Variants in MYO5C observed in about 807,000 individuals in gnomAD.
MYO5C encodes the protein unconventional myosin-Vc.
Under a neutral mutation model 235.7 loss-of-function variants are expected in MYO5C, and 194 were observed. That is an observed-to-expected ratio of 0.82 (90% CI 0.73 to 0.93). MYO5C has a LOEUF of 0.93. Among genes scored for constraint, MYO5C ranks in the 40% least tolerant of loss-of-function variants. The pLI, the probability that MYO5C is intolerant of heterozygous loss-of-function variation, is 0.00. For missense variants in MYO5C, 2,038 were observed against 2,127.2 expected (o/e 0.96, Z 0.82); for synonymous variants, 707 against 754.8 (o/e 0.94, Z 1.04).
intron 19 of MYO5C, 137 bp downstream of exon 19, chr15:52,244,219 C>A: frequency 2.6e-6 from 2 of 764,518 alleles, no homozygotes; most frequent in Admixed American, 2.8e-5. Context: ...ATGCTCACGA[C>A]CACAAAGGGG....
In MYO5C at chr15:52,247,544, GAGA is replaced by G; in HGVS notation, c.1792_1794del (p.Ser598del). On this transcript the variant is annotated inframe_deletion, in exon 15 of 41. Transcript: ENST00000261839. Reference sequence around the variant, plus strand: ...TTAACTGTAATCATTGAACCAAAAGGAGAAGGAGGAGTTGGATTTTCTTGAAAA... The same window carrying G: ...TTAACTGTAATCATTGAACCAAAAGGAGGAGGAGTTGGATTTTCTTGAAAA... 2 of 1,614,208 alleles carry G rather than the reference GAGA, an allele frequency of 1.2e-6. No homozygotes were observed. The highest frequency in any genetic ancestry group is 1.7e-6 in the Non-Finnish European group (2 of 1,180,032).
At chr15:52,223,770 G>A in intron 28 of MYO5C, 46 bp from the exon 29 acceptor site, 2 of 1,555,922 alleles carry the variant, frequency 1.3e-6, no homozygotes, top group African/African-American at 1.4e-5. Context: ...CCTTTGTTCT[G>A]TTTTATGGAC....
chr15:52,239,793 G>A lies in MYO5C; in HGVS notation c.2643C>T (p.Phe881=), dbSNP rs755321434. ...ARRRFQSIRR[F]VLNIQLTYRV... is the part of the protein sequence containing the mutation. ...TGTAAGTAAGCTGAATATTAAGCAC[G>A]AATCGTCGGATACTCTGGAATCTGC... is the stretch of plus-strand genomic sequence containing the variant. The change falls in exon 21 of 41, where the codon TTC becomes TTT. Residue 881 remains phenylalanine, a synonymous_variant. Coordinates refer to ENST00000261839, the MANE Select transcript of MYO5C (RefSeq NM_018728.4). The A allele has an allele frequency of 1.9e-6, 3 of 1,613,596 alleles. No homozygotes were observed. The highest frequency in any genetic ancestry group is 2.2e-5 in the South Asian group (2 of 90,938).
At chr15:52,228,461 A>G (rs2035877984) in intron 25 of MYO5C, among the ~76,000 whole-genome samples, 1 of 152,146 alleles carries the variant, frequency 6.6e-6, no homozygotes, top group Admixed American at 6.5e-5. Context: ...ATTTTTATAT[A>G]TCATTATGCA....
intron 38 of MYO5C, among the ~76,000 whole-genome samples, chr15:52,201,231 C>T (rs926836931): frequency 3.9e-5 from 6 of 151,984 alleles, no homozygotes; most frequent in African/African-American, 1.5e-4. Flanking sequence ...CACCCAGACA[C>T]ATCACAAACT....
Position 52,205,131 on chromosome 15 carries a change from C to A in MYO5C, c.4554G>T (p.Glu1518Asp). Residue 1518 changes from glutamate to aspartate, a missense_variant, in exon 38 of 41, where the codon GAG becomes GAT. Glu to Asp is a conservative substitution (Grantham distance 45). Coordinates refer to ENST00000261839, the MANE Select transcript of MYO5C (RefSeq NM_018728.4). Reference protein sequence around the residue: ...IQPIIVPGMLEYESLQGISGL... With the variant: ...IQPIIVPGMLDYESLQGISGL... ...CGGAAATGCCCTGCAGGCTCTCATA[C>A]TCCAGCATTCCCGGAACTGCGGAGA... is the stretch of plus-strand genomic sequence containing the variant. 6.2e-7 allele frequency: 1 copy of A among 1,613,918 alleles called. No individual in the cohort carries two copies. The highest frequency in any genetic ancestry group is 1.1e-5 in the South Asian group (1 of 91,092).
chr15:52,220,037 A>C (rs1281693256), intron 30 of MYO5C, among the ~76,000 whole-genome samples: 2 of 152,220 alleles, frequency 1.3e-5, no homozygotes, highest in Admixed American at 6.5e-5. Flanking sequence ...AAACTGCAAA[A>C]AAATCTCATG....
At chr15:52,273,953 C>T (rs1288278720) in intron 5 of MYO5C, among the ~76,000 whole-genome samples, 3 of 152,072 alleles carry the variant, frequency 2.0e-5, no homozygotes, top group Non-Finnish European at 4.4e-5. Flanking sequence ...CCCTACTCAA[C>T]CTTTCCACTC....
chr15:52,201,772 G>C (rs2035192591), intron 38 of MYO5C, among the ~76,000 whole-genome samples: 1 of 152,036 alleles, frequency 6.6e-6, no homozygotes, highest in Admixed American at 6.5e-5. Context: ...ATAAAGTAGG[G>C]AGGCTAAAGG....
intron 38 of MYO5C, among the ~76,000 whole-genome samples, chr15:52,201,267 A>C (rs1014617183): frequency 6.6e-6 from 1 of 152,230 alleles, no homozygotes; most frequent in East Asian, 1.9e-4. Context: ...CAAAGAAAAA[A>C]AAATCTTAAA....
chr15:52,292,154 G>T (rs951237417), intron 1 of MYO5C, among the ~76,000 whole-genome samples: 1 of 152,138 alleles, frequency 6.6e-6, no homozygotes, highest in Non-Finnish European at 1.5e-5. Context: ...GCTTCATGCT[G>T]TTTTACCATG....
At chr15:52,196,277 G>A (rs2141254187) in intron 39 of MYO5C, 32 bp downstream of exon 39, 3 of 1,559,270 alleles carry the variant, frequency 1.9e-6, no homozygotes, top group East Asian at 4.5e-5. Flanking sequence ...TGTCAGGGAA[G>A]AGCCAGGGAG....
intron 9 of MYO5C, among the ~76,000 whole-genome samples, chr15:52,261,874 T>G (rs1191394143): frequency 6.6e-6 from 1 of 152,206 alleles, no homozygotes; most frequent in Non-Finnish European, 1.5e-5. Context: ...CAGGCTCCCC[T>G]GCCGGCACCA....
At chr15:52,208,206 C>T (rs2035364445) in intron 36 of MYO5C, among the ~76,000 whole-genome samples, 1 of 152,200 alleles carries the variant, frequency 6.6e-6, no homozygotes, top group Non-Finnish European at 1.5e-5. Flanking sequence ...TATGGAGGAA[C>T]AGTCAGGGTC....
chr15:52,272,537 A>T, intron 6 of MYO5C, 43 bp downstream of exon 6: 1 of 1,600,470 alleles, frequency 6.2e-7, no homozygotes, highest in South Asian at 1.1e-5. Context: ...TGTAAATGTA[A>T]ATAATGCTCA....
chr15:52,223,932 T>C lies in MYO5C; in HGVS notation c.3447-208A>G, dbSNP rs1227928356. On this transcript the variant is annotated intron_variant, in intron 28 of 40. Transcript: ENST00000261839. ...AGGAAGCATTATGTGGGGGTTAATA[T>C]GTAGTTAACAATGAAGAAAATTTTA... Among the ~76,000 whole-genome samples, 3 of 152,232 alleles carry C rather than the reference T, an allele frequency of 2.0e-5. No homozygotes were observed. The East Asian group carries it at 5.8e-4, about 29-fold the overall frequency.
At chr15:52,231,215 T>C in intron 24 of MYO5C, among the ~76,000 whole-genome samples, 1 of 152,210 alleles carries the variant, frequency 6.6e-6, no homozygotes, top group Non-Finnish European at 1.5e-5. Context: ...TGGAGCCTCC[T>C]GAGAATTTTG....
intron 23 of MYO5C, among the ~76,000 whole-genome samples, chr15:52,233,711 T>A (rs941552304): frequency 1.3e-5 from 2 of 152,210 alleles, no homozygotes; most frequent in Non-Finnish European, 2.9e-5. Flanking sequence ...GGGCAGGACG[T>A]TCCATGGCTA....
At chr15:52,264,035 C>T (rs1230772717) in intron 9 of MYO5C, among the ~76,000 whole-genome samples, 155 bp downstream of exon 9, 1 of 152,284 alleles carries the variant, frequency 6.6e-6, no homozygotes, top group East Asian at 1.9e-4. Flanking sequence ...TCTTTGAAGG[C>T]AAGCCCTGGA....
Sources: allele counts gnomAD v4.1 joint callset (sites outside exome capture counted in the v4.1 genomes callset), GRCh38; gene constraint gnomAD v4.1.1; transcripts MANE v1.5; gene names NCBI Gene and HGNC (gene_info 2026-07-23, HGNC 2026-07-21).